Variants in STARD13 observed in about 807,000 individuals in gnomAD.
The protein encoded by STARD13 is stAR-related lipid transfer protein 13.
In STARD13, 62 loss-of-function variants were observed where a neutral mutation model predicts 106.4. The observed-to-expected ratio is 0.58, with a 90% confidence interval of 0.48 to 0.72. The LOEUF (loss-of-function observed/expected upper bound fraction) is 0.72, where lower values mean the gene tolerates loss of function less well. Among genes scored for constraint, STARD13 ranks in the 30% least tolerant of loss-of-function variants. The pLI is 0.00. For missense variants in STARD13, 1,387 were observed against 1,424.0 expected (o/e 0.97, Z 0.42); for synonymous variants, 565 against 553.0 (o/e 1.02, Z -0.31).
intron 1 of STARD13, among the ~76,000 whole-genome samples, chr13:33,181,109 C>G (rs545845337): frequency 1.3e-5 from 2 of 152,248 alleles, no homozygotes; most frequent in African/African-American, 4.8e-5. Flanking sequence ...TACTCTACCT[C>G]TAAGGTGCTC....
At chr13:33,586,647 A>C in the STARD13 span, among the ~76,000 whole-genome samples, 1 of 152,182 alleles carries the variant, frequency 6.6e-6, no homozygotes, top group African/African-American at 2.4e-5. Flanking sequence ...AAATAAGCAC[A>C]AGGACCAGTG....
the STARD13 span, among the ~76,000 whole-genome samples, chr13:33,491,809 G>A: frequency 6.6e-6 from 1 of 152,224 alleles, no homozygotes; most frequent in Non-Finnish European, 1.5e-5. Flanking sequence ...GGATTCTTCT[G>A]AGGAACCTAA....
chr13:33,519,301 CTCTT>C, the STARD13 span, among the ~76,000 whole-genome samples: 18 of 98,990 alleles, frequency 1.8e-4, no homozygotes, highest in Admixed American at 1.0e-4. Flanking sequence ...CTTTCTCTCT[CTCTT>C]TCTTTCTCTC....
chr13:33,405,684 T>C, the STARD13 span, among the ~76,000 whole-genome samples: 18 of 152,338 alleles, frequency 1.2e-4, no homozygotes, highest in Admixed American at 5.2e-4. Context: ...CTAACAAATA[T>C]CTGTTGAACG....
the STARD13 span, among the ~76,000 whole-genome samples, chr13:33,455,753 A>T: frequency 2.0e-5 from 3 of 151,396 alleles, no homozygotes; most frequent in Non-Finnish European, 4.4e-5. Context: ...ACATGGAAAA[A>T]CTCCGTCTCT....
At chr13:33,611,471 A>G in the STARD13 span, 20 of 152,364 alleles carry the variant, frequency 1.3e-4, no homozygotes, top group African/African-American at 4.8e-4. Flanking sequence ...CCAGGCTTTC[A>G]AACCTCCTAT....
intron 1 of STARD13, among the ~76,000 whole-genome samples, chr13:33,258,205 T>G (rs1334020875): frequency 6.6e-6 from 1 of 152,236 alleles, no homozygotes; most frequent in Non-Finnish European, 1.5e-5. Flanking sequence ...TGATTCTGGT[T>G]GCCATGGAGA....
At chr13:33,165,037 T>C (rs1407131102) in intron 3 of STARD13, among the ~76,000 whole-genome samples, 2 of 152,108 alleles carry the variant, frequency 1.3e-5, no homozygotes, top group African/African-American at 4.8e-5. Flanking sequence ...ATAGCATTTA[T>C]ACTCTCTGAA....
At chr13:33,389,221 G>C in the STARD13 span, among the ~76,000 whole-genome samples, 1 of 152,068 alleles carries the variant, frequency 6.6e-6, no homozygotes, top group Non-Finnish European at 1.5e-5. Context: ...GCCTCCCAAA[G>C]TGCTGGGATT....
upstream of STARD13, among the ~76,000 whole-genome samples, chr13:33,288,342 T>A (rs1892153727): frequency 6.6e-6 from 1 of 152,104 alleles, no homozygotes; most frequent in Admixed American, 6.5e-5. Flanking sequence ...GCAATCATAG[T>A]TCACTGTAGT....
At chr13:33,602,889 A>C in the STARD13 span, among the ~76,000 whole-genome samples, 1 of 152,186 alleles carries the variant, frequency 6.6e-6, no homozygotes, top group Non-Finnish European at 1.5e-5. Context: ...CTGGTCCCCC[A>C]ACCCCTGGCT....
chr13:33,422,314 A>G, the STARD13 span, among the ~76,000 whole-genome samples: 15 of 152,208 alleles, frequency 9.9e-5, no homozygotes, highest in African/African-American at 3.4e-4. Flanking sequence ...AGACAAACAG[A>G]GAGCCAAATC....
the STARD13 span, among the ~76,000 whole-genome samples, chr13:33,399,624 C>T: frequency 6.8e-6 from 1 of 147,328 alleles, no homozygotes; most frequent in Admixed American, 6.9e-5. Context: ...TGGCATGAAC[C>T]CGGGAGGTGG....
At chr13:33,457,238 T>C in the STARD13 span, among the ~76,000 whole-genome samples, 1 of 152,244 alleles carries the variant, frequency 6.6e-6, no homozygotes, top group African/African-American at 2.4e-5. Flanking sequence ...GGTAATTCAG[T>C]CAGTAATGGA....
At chr13:33,165,252 G>A (rs755492252) in intron 3 of STARD13, 85 bp downstream of exon 3, 172 of 1,032,944 alleles carry the variant, frequency 1.7e-4, no homozygotes, top group Non-Finnish European at 2.4e-4. Flanking sequence ...AATACTTGCC[G>A]AATAGCTGAG....
At chr13:33,594,644 G>A in the STARD13 span, among the ~76,000 whole-genome samples, 9 of 151,928 alleles carry the variant, frequency 5.9e-5, no homozygotes, top group Non-Finnish European at 8.8e-5. Context: ...TTCTCACACC[G>A]AAACTCAACC....
At chr13:33,567,935 A>G in the STARD13 span, among the ~76,000 whole-genome samples, 4 of 148,284 alleles carry the variant, frequency 2.7e-5, no homozygotes. Context: ...TCACTGGGCC[A>G]TATGTCACCA....
the STARD13 span, among the ~76,000 whole-genome samples, chr13:33,429,926 T>TGGG: frequency 5.0e-5 from 7 of 138,694 alleles, no homozygotes; most frequent in African/African-American, 2.1e-4. Context: ...TACTTTTTTT[T>TGGG]TGGGGGGGGG....
At chr13:33,582,479 C>T in the STARD13 span, among the ~76,000 whole-genome samples, 1 of 152,110 alleles carries the variant, frequency 6.6e-6, no homozygotes, top group African/African-American at 2.4e-5. Flanking sequence ...CTGTGCCCAA[C>T]AGAAGAAGGT....
Sources: allele counts gnomAD v4.1 joint callset (sites outside exome capture counted in the v4.1 genomes callset), GRCh38; gene constraint gnomAD v4.1.1; transcripts MANE v1.5; gene names NCBI Gene and HGNC (gene_info 2026-07-23, HGNC 2026-07-21).